The following AFG2A variants were observed in gnomAD, a reference collection of about 807,000 sequenced individuals.
The protein encoded by AFG2A is ATPase family gene 2 protein homolog A.
At chr4:123,177,279 G>A in the AFG2A span, among the ~76,000 whole-genome samples, 17 of 146,982 alleles carry the variant, frequency 1.2e-4, no homozygotes, top group Admixed American at 2.8e-4. Context: ...TGCAGCCTCC[G>A]CCTCCCAGGT....
chr4:122,952,467 C>T, the AFG2A span, among the ~76,000 whole-genome samples: 1 of 152,154 alleles, frequency 6.6e-6, no homozygotes. Context: ...TGCCCATACC[C>T]TAGGAGTCCT....
chr4:122,977,155 C>G, the AFG2A span, among the ~76,000 whole-genome samples: 1 of 152,286 alleles, frequency 6.6e-6, no homozygotes, highest in South Asian at 2.1e-4. Context: ...TAGGGTGTCA[C>G]TTTTCCAGCC....
At chr4:123,095,500 C>T in the AFG2A span, among the ~76,000 whole-genome samples, 1,005 of 152,144 alleles carry the variant, frequency 6.6e-3, 13 homozygotes, top group African/African-American at 0.023. Context: ...GTTGTTTCCA[C>T]ACTTGTATGA....
At chr4:123,307,860 AG>A in the AFG2A span, among the ~76,000 whole-genome samples, 1 of 152,196 alleles carries the variant, frequency 6.6e-6, no homozygotes, top group African/African-American at 2.4e-5. Context: ...CATGCTGTAC[AG>A]GTGTGTAGTG....
chr4:123,272,524 C>G, the AFG2A span, among the ~76,000 whole-genome samples: 1 of 152,086 alleles, frequency 6.6e-6, no homozygotes, highest in Non-Finnish European at 1.5e-5. Flanking sequence ...TTCTATGATT[C>G]TCAGGGAAAG....
chr4:122,985,447 A>G, the AFG2A span, among the ~76,000 whole-genome samples: 1 of 152,132 alleles, frequency 6.6e-6, no homozygotes, highest in Non-Finnish European at 1.5e-5. Flanking sequence ...TTAAATTACC[A>G]TTTCAATCTC....
At chr4:123,256,065 C>T in the AFG2A span, 5 of 1,613,874 alleles carry the variant, frequency 3.1e-6, no homozygotes, top group East Asian at 2.2e-5. Flanking sequence ...GTGCCTTTAC[C>T]GGATGCAGCA....
the AFG2A span, among the ~76,000 whole-genome samples, chr4:122,948,242 C>T: frequency 2.0e-5 from 3 of 151,880 alleles, no homozygotes; most frequent in Non-Finnish European, 1.5e-5. Context: ...TTAAATTATA[C>T]GGGAGGATGT....
the AFG2A span, among the ~76,000 whole-genome samples, chr4:123,282,323 T>A: frequency 2.0e-5 from 3 of 152,222 alleles, no homozygotes; most frequent in African/African-American, 7.2e-5. Context: ...CTGTAGTTTT[T>A]CCTCTCCTCC....
At chr4:123,008,440 A>G in the AFG2A span, among the ~76,000 whole-genome samples, 1 of 152,190 alleles carries the variant, frequency 6.6e-6, no homozygotes, top group Non-Finnish European at 1.5e-5. Flanking sequence ...ACCATATCCA[A>G]ACTATAGCAA....
chr4:122,985,667 C>T, the AFG2A span, among the ~76,000 whole-genome samples: 1 of 151,532 alleles, frequency 6.6e-6, no homozygotes, highest in African/African-American at 2.4e-5. Context: ...TTTAGATTTT[C>T]TCTCTTCTTT....
the AFG2A span, among the ~76,000 whole-genome samples, chr4:123,022,842 A>G: frequency 1.7e-4 from 26 of 152,230 alleles, 1 homozygote; most frequent in South Asian, 3.5e-3. Context: ...ACACCATGGA[A>G]TACTATGCAG....
chr4:123,039,273 C>T, the AFG2A span, among the ~76,000 whole-genome samples: 10 of 152,058 alleles, frequency 6.6e-5, no homozygotes, highest in South Asian at 1.9e-3. Flanking sequence ...CTTTTGCAGA[C>T]AATTGCTGTA....
At chr4:123,017,196 A>G in the AFG2A span, among the ~76,000 whole-genome samples, 1 of 61,920 alleles carries the variant, frequency 1.6e-5, no homozygotes. Context: ...GGAAAGGGAG[A>G]GGGAGAGGGA....
At chr4:123,006,075 T>G in the AFG2A span, among the ~76,000 whole-genome samples, 1 of 151,500 alleles carries the variant, frequency 6.6e-6, no homozygotes, top group African/African-American at 2.4e-5. Flanking sequence ...TTTCCTATAA[T>G]GCAGGTGTCC....
At chr4:122,986,209 G>A in the AFG2A span, among the ~76,000 whole-genome samples, 3 of 152,146 alleles carry the variant, frequency 2.0e-5, no homozygotes, top group Admixed American at 2.0e-4. Flanking sequence ...GTCTGTTTTG[G>A]AGAAAGTTCC....
At chr4:123,017,220 AG>A in the AFG2A span, among the ~76,000 whole-genome samples, 8 of 99,288 alleles carry the variant, frequency 8.1e-5, no homozygotes, top group Non-Finnish European at 1.4e-4. Context: ...AGAGAGGGAG[AG>A]GGGGGAGAGG....
At chr4:122,946,933 A>T in the AFG2A span, among the ~76,000 whole-genome samples, 1 of 152,236 alleles carries the variant, frequency 6.6e-6, no homozygotes, top group Non-Finnish European at 1.5e-5. Flanking sequence ...AGAATGATAC[A>T]GTTAAGATGT....
the AFG2A span, among the ~76,000 whole-genome samples, chr4:123,053,571 G>A: frequency 6.6e-6 from 1 of 152,090 alleles, no homozygotes. Flanking sequence ...TGTAACAGGG[G>A]GGTCTGGTAC....
Sources: gnomAD v4.1 joint callset for allele counts (sites outside exome capture counted in the v4.1 genomes callset) on GRCh38, gnomAD v4.1.1 for gene constraint, MANE v1.5 for transcripts, NCBI Gene and HGNC (gene_info 2026-07-23, HGNC 2026-07-21) for gene names.